The following DDR1 variants were observed in gnomAD, a reference collection of about 807,000 sequenced individuals.
DDR1 encodes the protein epithelial discoidin domain-containing receptor 1.
Under a neutral mutation model 97.4 loss-of-function variants are expected in DDR1, and 64 were observed. The ratio of observed to expected loss-of-function variants is 0.66; its 90% CI spans 0.54 to 0.81. The LOEUF is 0.81. Among genes scored for constraint, DDR1 ranks in the 30% least tolerant of loss-of-function variants. DDR1 has a pLI of 0.00. For synonymous variants in DDR1, 458 were observed against 503.7 expected (o/e 0.91, Z 1.21); for missense variants, 990 against 1,259.6 (o/e 0.79, Z 3.24).
rs551910549 is a variant in DDR1 at position 30,892,912 on chromosome 6, T to A, written c.1100-156T>A. 147 of 682,114 alleles carry A rather than the reference T, an allele frequency of 2.2e-4. No individual in the cohort carries two copies. In the African/African-American group the frequency reaches 2.3e-3, roughly 11 times the overall value. 42.3% of individuals were successfully genotyped at this position (682,114 alleles called of 1,614,324 possible). A position where few individuals can be genotyped will look rare whatever the true frequency, so the allele number is the denominator to read the frequency against. ...GGTTAACACCCACCACAGCTGGGTG[T>A]TCCAGGACCCTGCTCCCCCAGCCCC... On this transcript the variant is annotated intron_variant, in intron 8 of 17. Transcript: ENST00000376568.
In DDR1 at chr6:30,889,094, G is replaced by A; in HGVS notation, c.188+84G>A. On this transcript the variant is annotated intron_variant, in intron 3 of 17. Transcript: ENST00000376568. This position sits in a 1 kb window ranked among gnomAD's most constrained non-coding sequence, Gnocchi z 4.9. Reference sequence around the variant, plus strand: ...CTTCCCCTCCAACCCCTCTGCCCATGCCAGTGAAACCCCTGCAGGCTGAGG... The same window carrying A: ...CTTCCCCTCCAACCCCTCTGCCCATACCAGTGAAACCCCTGCAGGCTGAGG... The A allele has an allele frequency of 6.3e-7, 1 of 1,582,426 alleles. No individual in the cohort carries two copies. Among genetic ancestry groups the A allele is most frequent in the East Asian group, 2.2e-5 (1 of 44,746 alleles).
intron 1 of DDR1, chr6:30,885,074 C>A: frequency 5.9e-6 from 5 of 849,516 alleles, no homozygotes; most frequent in Non-Finnish European, 9.2e-6. Context: ...CCAGTCCCTG[C>A]GGGCATCTAA....
chr6:30,893,087 T>C lies in DDR1; in HGVS notation c.1119T>C (p.Ser373=), dbSNP rs1789180926. ...CCCCAGATGTGGTGAACAATTCCTCTCCGGCACTGGGAGGCACCTTCCCGC... is the reference window on the plus strand; with the variant it reads ...CCCCAGATGTGGTGAACAATTCCTCCCCGGCACTGGGAGGCACCTTCCCGC... ...SFISDVVNNS[S]PALGGTFPPA... The change falls in exon 9 of 18, where the codon TCT becomes TCC. Residue 373 remains serine, a synonymous_variant. Transcript: ENST00000376568. The C allele has an allele frequency of 6.2e-7, 1 of 1,612,466 alleles. No individual in the cohort carries two copies. The highest frequency in any genetic ancestry group is 8.5e-7 in the Non-Finnish European group (1 of 1,179,898).
Position 30,893,111 on chromosome 6 carries a change from G to GC in DDR1, c.1145dup (p.Ala383SerfsTer69). ...CTCCGGCACTGGGAGGCACCTTCCC[G>GC]CCAGCCCCCTGGTGGCCGCCTGGCC... is the stretch of plus-strand genomic sequence containing the variant. On this transcript the variant is annotated frameshift_variant, in exon 9 of 18. Coordinates refer to ENST00000376568, the MANE Select transcript of DDR1 (RefSeq NM_001297654.2). LOFTEE classifies it high-confidence loss of function. The GC allele has an allele frequency of 6.2e-7, 1 of 1,611,718 alleles. No homozygotes were observed. Among genetic ancestry groups the GC allele is most frequent in the Non-Finnish European group, 8.5e-7 (1 of 1,179,916 alleles).
In DDR1 at chr6:30,897,148, AC is replaced by A; in HGVS notation, c.1997+9del. ...ATGCCACCAAGAATGCCAGGTGAGG[AC>A]CAGGGATGGCATCTGGAAGAAGGGA... On this transcript the variant is annotated splice_region_variant and intron_variant, in intron 14 of 17. Transcript: ENST00000376568. The surrounding 1 kb of genome is among the most constrained non-coding windows in gnomAD (Gnocchi z 5.2). 1.2e-6 allele frequency: 2 copies of A among 1,613,428 alleles called. No individual in the cohort carries two copies. The highest frequency in any genetic ancestry group is 1.7e-6 in the Non-Finnish European group (2 of 1,179,796).
rs527938479 is a variant in DDR1 at position 30,896,822 on chromosome 6, G to T, written c.1826G>T (p.Arg609Leu). The part of the protein sequence containing the change: ...GPPRVDFPRS[R>L]LRFKEKLGEG... ...CCCAGAGTGGATTTCCCTCGATCTC[G>T]ACTCCGCTTCAAGGAGAAGCTTGGC... The change falls in exon 13 of 18, where the codon CGA becomes CTA. Residue 609 changes from arginine to leucine, a missense_variant. Physicochemically the swap from Arg to Leu is moderately radical, Grantham distance 102 (BLOSUM62 -2). Coordinates refer to ENST00000376568, the MANE Select transcript of DDR1 (RefSeq NM_001297654.2). The T allele has an allele frequency of 2.5e-6, 4 of 1,590,748 alleles. No homozygotes were observed. The African/African-American group carries it at 5.4e-5, about 21-fold the overall frequency.
At chr6:30,885,224 C>CA in intron 1 of DDR1, 1 of 1,533,484 alleles carries the variant, frequency 6.5e-7, no homozygotes, top group Non-Finnish European at 8.7e-7. Flanking sequence ...GAGAGAATGT[C>CA]ACTGCCGGTG....
rs1025580988 is a variant in DDR1 at position 30,887,647 on chromosome 6, A to G, written c.-42-1041A>G. Among the ~76,000 whole-genome samples the G allele has an allele frequency of 9.9e-5, 15 of 152,256 alleles. No homozygotes were observed. The South Asian group carries it at 1.2e-3, about 13-fold the overall frequency. ...ACTTTTCATAGCTGCATAGTAGTCA[A>G]TAAACCTTATTTTTTTTAATTCCAG... On this transcript the variant is annotated intron_variant, in intron 1 of 17. Coordinates refer to ENST00000376568, the MANE Select transcript of DDR1 (RefSeq NM_001297654.2).
rs970121913 is a variant in DDR1, at chr6:30,886,591, T to C, written c.-43+1881T>C. 4 of 152,216 alleles carry C rather than the reference T, an allele frequency of 2.6e-5. No individual in the cohort carries two copies. The highest frequency in any genetic ancestry group is 5.9e-5 in the Non-Finnish European group (4 of 68,092). The allele number at this position is 152,216 out of a possible 1,614,324, so 9.4% of individuals were successfully genotyped here. A position where few individuals can be genotyped will look rare whatever the true frequency, so the allele number is the denominator to read the frequency against. On this transcript the variant is annotated intron_variant, in intron 1 of 17. Coordinates refer to ENST00000376568, the MANE Select transcript of DDR1 (RefSeq NM_001297654.2). The surrounding 1 kb of genome is among the most constrained non-coding windows in gnomAD (Gnocchi z 4.6). ...CCCCCACTCCTCCTACCTCCTGGGGTGACCTGCCTTCCTTGTCTTTAGACC... is the reference window on the plus strand; with the variant it reads ...CCCCCACTCCTCCTACCTCCTGGGGCGACCTGCCTTCCTTGTCTTTAGACC...
At chr6:30,885,833 T>C in intron 1 of DDR1, 1 of 1,258,032 alleles carries the variant, frequency 7.9e-7, no homozygotes. Context: ...TGTTTCACCG[T>C]GTGTGTGTGT....
In DDR1 at chr6:30,891,154, T is replaced by C. The variant is rs746832968; in HGVS notation, c.565+34T>C. On this transcript the variant is annotated intron_variant, in intron 5 of 17. Coordinates refer to ENST00000376568, the MANE Select transcript of DDR1 (RefSeq NM_001297654.2). This position sits in a 1 kb window ranked among gnomAD's most constrained non-coding sequence, Gnocchi z 5.3. ...CTCAGCTTCCTGGGAATCTGTTTCC[T>C]GAGCAGGGGACTGGAGGGTGGGGAG... 1 of 1,611,604 alleles carries C rather than the reference T, an allele frequency of 6.2e-7. No homozygotes were observed. Among genetic ancestry groups the C allele is most frequent in the Non-Finnish European group, 8.5e-7 (1 of 1,179,680 alleles).
At position 30,891,045 on chromosome 6, in the gene DDR1, G is replaced by T; in HGVS notation, c.490G>T (p.Val164Phe). 6.2e-7 allele frequency: 1 copy of T among 1,613,074 alleles called. No individual in the cohort carries two copies. The highest frequency in any genetic ancestry group is 1.1e-5 in the South Asian group (1 of 91,084). The change falls in exon 5 of 18, where the codon GTT (valine) becomes TTT (phenylalanine). Residue 164 changes from valine to phenylalanine, a missense_variant. Val to Phe is a conservative substitution (Grantham distance 50). Coordinates refer to ENST00000376568, the MANE Select transcript of DDR1 (RefSeq NM_001297654.2). The surrounding 1 kb of genome is among the most constrained non-coding windows in gnomAD (Gnocchi z 5.3). ...TGGGCCCCCCATGGTTGCCCGACTG[G>T]TTCGCTTCTACCCCCGGGCTGACCG... The part of the protein sequence containing the change: ...DLGPPMVARL[V>F]RFYPRADRVM...
Position 30,894,124 on chromosome 6 carries a change from C to T in DDR1, c.1348-382C>T, listed in dbSNP as rs1789750259. 6.6e-6 allele frequency among the ~76,000 whole-genome samples: 1 copy of T among 150,930 alleles called. No homozygotes were observed. Among genetic ancestry groups the T allele is most frequent in the African/African-American group, 2.4e-5 (1 of 41,398 alleles). The stretch of plus-strand genomic sequence containing the variant: ...ATTAGCCAGGCATGGTGGCTGATGC[C>T]TGTAATCCCAGCTACTCAGGAGGCT... On this transcript the variant is annotated intron_variant, in intron 10 of 17. Coordinates refer to ENST00000376568, the MANE Select transcript of DDR1 (RefSeq NM_001297654.2). The surrounding 1 kb of genome is among the most constrained non-coding windows in gnomAD (Gnocchi z 5.7).
Position 30,889,473 on chromosome 6 carries a change from T to A in DDR1, c.417+43T>A. On this transcript the variant is annotated intron_variant, in intron 4 of 17. Coordinates refer to ENST00000376568, the MANE Select transcript of DDR1 (RefSeq NM_001297654.2). This position sits in a 1 kb window ranked among gnomAD's most constrained non-coding sequence, Gnocchi z 4.9. The stretch of plus-strand genomic sequence containing the variant: ...AGCACCCAGAGGAGGTTGGCTCTCC[T>A]CACTTCCAGCTGTACTTTAAACACC... 5 of 1,402,560 alleles carry A rather than the reference T, an allele frequency of 3.6e-6. No homozygotes were observed. The highest frequency in any genetic ancestry group is 2.9e-5 in the South Asian group (2 of 68,752). The allele number at this position is 1,402,560 out of a possible 1,614,324, so 86.9% of individuals were successfully genotyped here. A position where few individuals can be genotyped will look rare whatever the true frequency, so the allele number is the denominator to read the frequency against.
intron 12 of DDR1, among the ~76,000 whole-genome samples, chr6:30,895,936 G>A (rs1452880767): frequency 6.6e-6 from 1 of 152,076 alleles, no homozygotes; most frequent in African/African-American, 2.4e-5. Flanking sequence ...AGAGGTGAAG[G>A]CTCATGCCCC....
chr6:30,891,951 C>T lies in DDR1; in HGVS notation c.666-51C>T. 1 of 1,599,996 alleles carries T rather than the reference C, an allele frequency of 6.3e-7. No homozygotes were observed. Among genetic ancestry groups the T allele is most frequent in the Non-Finnish European group, 8.5e-7 (1 of 1,169,690 alleles). On this transcript the variant is annotated intron_variant, in intron 6 of 17. Transcript: ENST00000376568. The surrounding 1 kb of genome is among the most constrained non-coding windows in gnomAD (Gnocchi z 5.3). ...GTGGCGGAGCAGAATGCCTGGATGT[C>T]AAGACCCTCTTCCCTTCCAACCTCC...
rs759232785 is a variant in DDR1, at chr6:30,897,142, G to T, written c.1997+1G>T. ...GGCCAGATGCCACCAAGAATGCCAG[G>T]TGAGGACCAGGGATGGCATCTGGAA... On this transcript the variant is annotated splice_donor_variant, in intron 14 of 17. Transcript: ENST00000376568. LOFTEE classifies it high-confidence loss of function. This position sits in a 1 kb window ranked among gnomAD's most constrained non-coding sequence, Gnocchi z 5.2. 1 of 1,613,844 alleles carries T rather than the reference G, an allele frequency of 6.2e-7. No individual in the cohort carries two copies. The highest frequency in any genetic ancestry group is 8.5e-7 in the Non-Finnish European group (1 of 1,179,906).
rs1786795490 is a variant in DDR1 at position 30,888,691 on chromosome 6, T to C, written c.-39T>C. On this transcript the variant is annotated 5_prime_UTR_variant, in exon 2 of 18. It removes an upstream start codon present in the reference 5' UTR. Coordinates refer to ENST00000376568, the MANE Select transcript of DDR1 (RefSeq NM_001297654.2). The surrounding 1 kb of genome is among the most constrained non-coding windows in gnomAD (Gnocchi z 4.2). ...CCACCCATTTTATCCCCTGCAGAGA[T>C]GCTGCCCCCACCCCCTTAGGCCCGA... 1 of 1,611,216 alleles carries C rather than the reference T, an allele frequency of 6.2e-7. No individual in the cohort carries two copies. The highest frequency in any genetic ancestry group is 2.2e-5 in the East Asian group (1 of 44,888).
Position 30,900,140 on chromosome 6 carries a change from G to T in DDR1, c.*844G>T, listed in dbSNP as rs112769076. 3.7e-3 allele frequency: 2,124 copies of T among 572,302 alleles called. 28 individuals carry two copies. The highest frequency in any genetic ancestry group is 0.022 in the African/African-American group (1,226 of 54,492). The allele number at this position is 572,302 out of a possible 1,614,324, so 35.5% of individuals were successfully genotyped here. A position where few individuals can be genotyped will look rare whatever the true frequency, so the allele number is the denominator to read the frequency against. On this transcript the variant is annotated 3_prime_UTR_variant, in exon 18 of 18. Coordinates refer to ENST00000376568, the MANE Select transcript of DDR1 (RefSeq NM_001297654.2). Reference sequence around the variant, plus strand: ...CCTGCACTAGGCAGGTAATAATAAAGGTTGAGTTTTCCACAACTGTGTGAG... The same window carrying T: ...CCTGCACTAGGCAGGTAATAATAAATGTTGAGTTTTCCACAACTGTGTGAG...
Sources: allele counts gnomAD v4.1 joint callset (sites outside exome capture counted in the v4.1 genomes callset), GRCh38; gene constraint gnomAD v4.1.1; non-coding constraint Gnocchi (gnomAD v3.1); transcripts MANE v1.5; gene names NCBI Gene and HGNC (gene_info 2026-07-23, HGNC 2026-07-21).